The following CTNNA3 variants were observed in gnomAD, a reference collection of about 807,000 sequenced individuals.
CTNNA3 encodes the protein catenin alpha-3.
Under a neutral mutation model 95.7 loss-of-function variants are expected in CTNNA3, and 76 were observed. The observed-to-expected ratio is 0.79, with a 90% CI of 0.66 to 0.96. CTNNA3 has a LOEUF of 0.96. CTNNA3 is among the 40% of genes least tolerant of loss of function. The pLI, the probability that CTNNA3 is intolerant of heterozygous loss-of-function variation, is 0.00. For missense variants in CTNNA3, 1,191 were observed against 1,089.8 expected, an observed-to-expected ratio of 1.09 and a Z score of -1.31; for synonymous variants, 431 against 374.4, an observed-to-expected ratio of 1.15 and a Z score of -1.74.
chr10:65,993,674 G>A (rs1433691635), intron 15 of CTNNA3, among the ~76,000 whole-genome samples: 1 of 152,102 alleles, frequency 6.6e-6, no homozygotes, highest in African/African-American at 2.4e-5. Flanking sequence ...GCAGATAGTT[G>A]GGTCATGTGG....
At position 67,518,838 on chromosome 10, in the gene CTNNA3, G is replaced by A. The variant is rs74142829; in HGVS notation, c.579+3004C>T. Among the ~76,000 whole-genome samples the A allele has an allele frequency of 2.8e-3, 428 of 152,098 alleles. 3 individuals are homozygous for A. The highest frequency in any genetic ancestry group is 9.9e-3 in the African/African-American group (412 of 41,498). On this transcript the variant is annotated intron_variant, in intron 5 of 17. Coordinates refer to ENST00000433211, the MANE Select transcript of CTNNA3 (RefSeq NM_013266.4). Reference sequence around the variant, plus strand: ...CATTCCTATGTCACACCAACTAGAAGGATGAAAACCAAGTAGTCCAAGCAG... The same window carrying A: ...CATTCCTATGTCACACCAACTAGAAAGATGAAAACCAAGTAGTCCAAGCAG...
chr10:67,243,715 C>G (rs1865804843), intron 5 of CTNNA3, among the ~76,000 whole-genome samples: 8 of 152,180 alleles, frequency 5.3e-5, no homozygotes, highest in Admixed American at 5.2e-4. Context: ...GAGCTATGTT[C>G]CAGTCTCCCC....
intron 3 of CTNNA3, among the ~76,000 whole-genome samples, chr10:67,556,274 G>C (rs1045139294): frequency 6.6e-6 from 1 of 152,198 alleles, no homozygotes; most frequent in Non-Finnish European, 1.5e-5. Flanking sequence ...CTCATAAAAT[G>C]AGTTAAGGAG....
At chr10:66,803,893 C>T (rs1218296645) in intron 7 of CTNNA3, among the ~76,000 whole-genome samples, 1 of 151,212 alleles carries the variant, frequency 6.6e-6, no homozygotes, top group African/African-American at 2.4e-5. Flanking sequence ...AACTTGCCAA[C>T]AATTTTTTGC....
intron 1 of CTNNA3, among the ~76,000 whole-genome samples, chr10:67,657,848 A>G (rs1486277218): frequency 1.1e-5 from 1 of 94,468 alleles, no homozygotes; most frequent in African/African-American, 6.3e-5. Context: ...ATTCCATCTC[A>G]AAAAAAAAAA....
At position 66,775,535 on chromosome 10, in the gene CTNNA3, GA is replaced by G; in HGVS notation, c.1048-12del. On this transcript the variant is annotated splice_polypyrimidine_tract_variant and intron_variant, in intron 7 of 17. Coordinates refer to ENST00000433211, the MANE Select transcript of CTNNA3 (RefSeq NM_013266.4). The stretch of plus-strand genomic sequence containing the variant: ...TTCTTTTTTTCCAGCCTGCAAAGAA[GA>G]AAAAACGACATAAGCAATGGTATCA... 1.3e-6 allele frequency: 2 copies of G among 1,557,614 alleles called. No homozygotes were observed. Among genetic ancestry groups the G allele is most frequent in the Admixed American group, 1.8e-5 (1 of 56,042 alleles).
chr10:66,829,314 A>G (rs997412912), intron 7 of CTNNA3, among the ~76,000 whole-genome samples: 2 of 152,216 alleles, frequency 1.3e-5, no homozygotes, highest in Non-Finnish European at 2.9e-5. Flanking sequence ...ACATTAATCT[A>G]TAAAAGACAT....
intron 5 of CTNNA3, among the ~76,000 whole-genome samples, chr10:67,343,794 T>C (rs1842305650): frequency 6.6e-6 from 1 of 151,846 alleles, no homozygotes; most frequent in Non-Finnish European, 1.5e-5. Flanking sequence ...CTATGTTGAA[T>C]AACAGTGGTG....
chr10:67,635,688 T>C (rs559758403), intron 2 of CTNNA3, among the ~76,000 whole-genome samples: 1 of 152,180 alleles, frequency 6.6e-6, no homozygotes, highest in South Asian at 2.1e-4. Flanking sequence ...TAACCATCTA[T>C]GACAAACCCA....
intron 12 of CTNNA3, among the ~76,000 whole-genome samples, chr10:66,368,623 A>G (rs1324896539): frequency 6.6e-6 from 1 of 152,122 alleles, no homozygotes; most frequent in Non-Finnish European, 1.5e-5. Context: ...TTTGATTGTA[A>G]TTGTGGAGAT....
At chr10:67,701,387 T>A (rs1039919147) in intron 1 of CTNNA3, among the ~76,000 whole-genome samples, 5 of 152,188 alleles carry the variant, frequency 3.3e-5, no homozygotes, top group Non-Finnish European at 5.9e-5. Flanking sequence ...AAGGTCAGGT[T>A]ACTCACAAAG....
chr10:66,538,681 C>T (rs1481621069), intron 10 of CTNNA3, among the ~76,000 whole-genome samples: 1 of 152,058 alleles, frequency 6.6e-6, no homozygotes, highest in Non-Finnish European at 1.5e-5. Flanking sequence ...GATAGACTAA[C>T]CATTGAAAGC....
rs2088626093 is a variant in CTNNA3 at position 67,457,037 on chromosome 10, T to G, written c.579+64805A>C. Among the ~76,000 whole-genome samples, 6 of 152,238 alleles carry G rather than the reference T, an allele frequency of 3.9e-5. No homozygotes were observed. The South Asian group carries it at 1.2e-3, about 32-fold the overall frequency. On this transcript the variant is annotated intron_variant, in intron 5 of 17. Coordinates refer to ENST00000433211, the MANE Select transcript of CTNNA3 (RefSeq NM_013266.4). ...TCCAGGGTAAGCCAGTTGCAGTGTT[T>G]CAGAGAGTGGATAGAGGTGGAAAGC...
intron 13 of CTNNA3, among the ~76,000 whole-genome samples, chr10:66,252,570 A>G (rs1427943733): frequency 1.3e-5 from 2 of 152,238 alleles, no homozygotes; most frequent in East Asian, 3.9e-4. Flanking sequence ...CAATGCTATC[A>G]TGTACAGGTA....
chr10:67,208,988 A>T (rs1864022959), intron 6 of CTNNA3, among the ~76,000 whole-genome samples: 1 of 152,154 alleles, frequency 6.6e-6, no homozygotes, highest in African/African-American at 2.4e-5. Flanking sequence ...TTCCACCAGG[A>T]AGTCATAGGA....
chr10:67,555,797 A>T (rs533300409), intron 3 of CTNNA3, among the ~76,000 whole-genome samples: 108 of 152,178 alleles, frequency 7.1e-4, no homozygotes, highest in African/African-American at 2.2e-3. Flanking sequence ...CTATGTTGAA[A>T]AGGAGTGGTG....
chr10:67,279,631 C>A (rs951398371), intron 5 of CTNNA3, among the ~76,000 whole-genome samples: 8 of 150,892 alleles, frequency 5.3e-5, no homozygotes, highest in Admixed American at 4.6e-4. Context: ...GATATTTAAC[C>A]TTTTATCTGT....
chr10:66,608,965 C>T (rs115117447), intron 10 of CTNNA3, among the ~76,000 whole-genome samples: 2,324 of 152,070 alleles, frequency 0.015, 58 homozygotes, highest in African/African-American at 0.053. Flanking sequence ...AAAGAGCTTC[C>T]GCACAACAGA....
intron 11 of CTNNA3, among the ~76,000 whole-genome samples, chr10:66,395,518 T>C (rs1468078640): frequency 2.0e-5 from 3 of 151,706 alleles, no homozygotes; most frequent in Non-Finnish European, 2.9e-5. Context: ...CAAAGACTAA[T>C]AAAAAAATAC....
Sources: allele counts gnomAD v4.1 joint callset (sites outside exome capture counted in the v4.1 genomes callset), GRCh38; gene constraint gnomAD v4.1.1; transcripts MANE v1.5; gene names NCBI Gene and HGNC (gene_info 2026-07-23, HGNC 2026-07-21).